Variants in SHTN1 observed in about 807,000 individuals in gnomAD.
SHTN1 encodes shootin 1, also known as shootin-1.
Under a neutral mutation model 83.1 loss-of-function variants are expected in SHTN1, and 42 were observed. The ratio of observed to expected loss-of-function variants is 0.51; its 90% confidence interval spans 0.39 to 0.65. SHTN1 has a LOEUF of 0.65. Among genes scored for constraint, SHTN1 ranks in the 30% least tolerant of loss-of-function variants. The pLI is 0.00. For missense variants in SHTN1, 622 were observed against 737.8 expected, an observed-to-expected ratio of 0.84 and a Z score of 1.82; for synonymous variants, 224 against 247.7, an observed-to-expected ratio of 0.90 and a Z score of 0.90.
At chr10:116,990,933 T>C (rs1851406793) in intron 1 of SHTN1, among the ~76,000 whole-genome samples, 1 of 152,170 alleles carries the variant, frequency 6.6e-6, no homozygotes, top group African/African-American at 2.4e-5. Flanking sequence ...ACACCTGCAA[T>C]CTCAGCACTT....
At chr10:117,081,773 T>A (rs1045039129) in intron 1 of SHTN1, among the ~76,000 whole-genome samples, 2 of 149,532 alleles carry the variant, frequency 1.3e-5, no homozygotes, top group African/African-American at 4.9e-5. Context: ...GGAGAGTGTA[T>A]GTGTCAAGGA....
chr10:116,997,961 G>C (rs894948603), intron 1 of SHTN1, among the ~76,000 whole-genome samples: 1 of 152,112 alleles, frequency 6.6e-6, no homozygotes, highest in Non-Finnish European at 1.5e-5. Flanking sequence ...GCATGGTGGC[G>C]GGCGCCTGTA....
intron 1 of SHTN1, among the ~76,000 whole-genome samples, chr10:117,061,316 C>A (rs897355535): frequency 6.7e-6 from 1 of 149,614 alleles, no homozygotes; most frequent in Non-Finnish European, 1.5e-5. Flanking sequence ...CCTGCCTCAG[C>A]CTCCCGAGTA....
intron 1 of SHTN1, among the ~76,000 whole-genome samples, chr10:117,092,997 GC>G (rs1311127121): frequency 6.6e-6 from 1 of 152,122 alleles, no homozygotes; most frequent in African/African-American, 2.4e-5. Context: ...TGCAAGAATA[GC>G]AGCCAATACT....
chr10:117,082,426 T>C (rs1172947751), intron 1 of SHTN1, among the ~76,000 whole-genome samples: 5 of 150,256 alleles, frequency 3.3e-5, no homozygotes, highest in Non-Finnish European at 7.5e-5. Flanking sequence ...TCTGTTCTTT[T>C]ACATTTGCTG....
chr10:116,977,662 C>CTGTGTGTGTGTGTGTGTGTG (rs750351561), intron 2 of SHTN1, among the ~76,000 whole-genome samples: 52 of 147,872 alleles, frequency 3.5e-4, no homozygotes, highest in African/African-American at 1.3e-3. Flanking sequence ...CTTTCTTACT[C>CTGTGTGTGTGTGTGTGTGTG]TGTGTGTGTG....
intron 1 of SHTN1, among the ~76,000 whole-genome samples, chr10:117,087,859 T>C (rs1204232114): frequency 6.6e-6 from 1 of 152,292 alleles, no homozygotes; most frequent in East Asian, 1.9e-4. Context: ...TCCCGATACT[T>C]GGGGAGGCCG....
At chr10:116,943,633 G>C (rs1849466320) in intron 8 of SHTN1, among the ~76,000 whole-genome samples, 2 of 152,092 alleles carry the variant, frequency 1.3e-5, no homozygotes, top group Non-Finnish European at 2.9e-5. Context: ...TTTCAAATCA[G>C]ATCTACTTGG....
chr10:116,936,847 T>A (rs1849185371), intron 9 of SHTN1, among the ~76,000 whole-genome samples: 1 of 152,200 alleles, frequency 6.6e-6, no homozygotes, highest in Non-Finnish European at 1.5e-5. Context: ...TGAGTGCTCC[T>A]GTATTGGGTG....
intron 1 of SHTN1, among the ~76,000 whole-genome samples, chr10:117,118,653 T>A (rs902618687): frequency 2.0e-4 from 31 of 152,176 alleles, no homozygotes; most frequent in African/African-American, 2.4e-5. Context: ...TCAACCTAAG[T>A]ACTTATCAAC....
intron 11 of SHTN1, among the ~76,000 whole-genome samples, chr10:116,925,231 A>T (rs1848705254): frequency 6.6e-6 from 1 of 152,236 alleles, no homozygotes; most frequent in Admixed American, 6.5e-5. Flanking sequence ...AGTAAAGCAG[A>T]TGGTCCTCCC....
upstream of SHTN1, among the ~76,000 whole-genome samples, chr10:117,006,240 G>GTTTTTTT (rs11434853): frequency 2.7e-5 from 4 of 147,238 alleles, no homozygotes; most frequent in Non-Finnish European, 1.5e-5. Context: ...GTTTTTTTTT[G>GTTTTTTT]TTTTTTTTTT....
chr10:117,014,152 T>C (rs966797416), intron 2 of SHTN1, among the ~76,000 whole-genome samples: 2 of 151,456 alleles, frequency 1.3e-5, no homozygotes, highest in African/African-American at 4.9e-5. Flanking sequence ...AATGGAAGGG[T>C]TGAATATAAA....
Position 117,081,920 on chromosome 10 carries a change from C to T in SHTN1, c.-188-33410G>A, listed in dbSNP as rs1279993569. ...TTTTTATTGCGTCTATTTGATTCTT[C>T]TCTCTTTTTTTCTTTATTAGTCTTG... On this transcript the variant is annotated intron_variant, in intron 1 of 17. Coordinates refer to the SHTN1 transcript ENST00000392901. 3.8e-4 allele frequency among the ~76,000 whole-genome samples: 57 copies of T among 150,604 alleles called. 2 individuals are homozygous for T. In the East Asian group the frequency reaches 8.1e-3, roughly 21 times the overall value.
chr10:117,008,706 T>G (rs1852057404), upstream of SHTN1, among the ~76,000 whole-genome samples: 1 of 151,782 alleles, frequency 6.6e-6, no homozygotes, highest in African/African-American at 2.4e-5. Context: ...GTAGGGGAGG[T>G]CTGGGAGAAA....
chr10:116,929,848 C>T lies in SHTN1; in HGVS notation c.1012+1G>A, dbSNP rs1848887219. 2 of 1,597,388 alleles carry T rather than the reference C, an allele frequency of 1.3e-6. No homozygotes were observed. Among genetic ancestry groups the T allele is most frequent in the Admixed American group, 1.8e-5 (1 of 56,910 alleles). ...CATAGTAGCCTACTCAATGCTTTTA[C>T]CAGAGTGCTTTAAATTTCTGGCTTT... On this transcript the variant is annotated splice_donor_variant, in intron 10 of 16. Transcript: ENST00000355371. LOFTEE classifies it high-confidence loss of function.
At chr10:117,012,520 C>G (rs2133557188) in intron 2 of SHTN1, among the ~76,000 whole-genome samples, 1 of 152,164 alleles carries the variant, frequency 6.6e-6, no homozygotes, top group South Asian at 2.1e-4. Flanking sequence ...CTTTTCAAAA[C>G]TTGGTGCTAG....
intron 1 of SHTN1, among the ~76,000 whole-genome samples, chr10:117,065,023 G>A (rs916836807): frequency 2.6e-5 from 4 of 152,116 alleles, no homozygotes; most frequent in Non-Finnish European, 5.9e-5. Flanking sequence ...TAAGAAAGGT[G>A]GACTACATCA....
intron 1 of SHTN1, among the ~76,000 whole-genome samples, chr10:117,101,395 T>C (rs1264320381): frequency 1.3e-5 from 2 of 152,024 alleles, no homozygotes; most frequent in Non-Finnish European, 2.9e-5. Flanking sequence ...ATGAGCCAAG[T>C]TGAAAAAATA....
Sources: gnomAD v4.1 joint callset for allele counts (sites outside exome capture counted in the v4.1 genomes callset) on GRCh38, gnomAD v4.1.1 for gene constraint, MANE v1.5 for transcripts, NCBI Gene and HGNC (gene_info 2026-07-23, HGNC 2026-07-21) for gene names.